The following NRG3 variants were observed in gnomAD, a reference collection of about 807,000 sequenced individuals.
NRG3 encodes pro-neuregulin-3, membrane-bound isoform.
In NRG3, 31 loss-of-function variants were observed where a neutral mutation model predicts 66.9. That is an observed-to-expected ratio of 0.46 (90% CI 0.35 to 0.63). NRG3 has a LOEUF of 0.63. NRG3 is among the 20% of genes least tolerant of loss of function. The pLI is 0.00. For synonymous variants in NRG3, 393 were observed against 359.4 expected (o/e 1.09, Z -1.06); for missense variants, 910 against 878.9 (o/e 1.04, Z -0.45).
At chr10:82,981,916 C>T (rs1852947476) in intron 8 of NRG3, among the ~76,000 whole-genome samples, 1 of 152,160 alleles carries the variant, frequency 6.6e-6, no homozygotes, top group Admixed American at 6.5e-5. Context: ...CCTACCACAC[C>T]TAGCTAGCAA....
intron 2 of NRG3, among the ~76,000 whole-genome samples, chr10:82,631,663 C>T (rs1166854994): frequency 1.1e-4 from 16 of 147,542 alleles, no homozygotes; most frequent in African/African-American, 4.0e-4. Flanking sequence ...CTTTTTTGAT[C>T]TCATGTTCTC....
chr10:82,684,931 AG>A (rs2054395725), intron 2 of NRG3, among the ~76,000 whole-genome samples: 2 of 152,218 alleles, frequency 1.3e-5, no homozygotes, highest in Admixed American at 1.3e-4. Flanking sequence ...TGCCTTGATA[AG>A]GAATTAGACT....
intron 1 of NRG3, among the ~76,000 whole-genome samples, chr10:82,065,819 C>A (rs1180964337): frequency 2.0e-5 from 3 of 152,110 alleles, no homozygotes; most frequent in Non-Finnish European, 2.9e-5. Flanking sequence ...ATCCTCCCAC[C>A]AATCCAAAGT....
chr10:82,906,561 A>C (rs1844752839), intron 4 of NRG3, among the ~76,000 whole-genome samples: 2 of 152,190 alleles, frequency 1.3e-5, no homozygotes, highest in South Asian at 2.1e-4. Context: ...ATAAGTTATA[A>C]ATTTTGCCTA....
chr10:82,840,094 A>G (rs2062982824), intron 3 of NRG3, among the ~76,000 whole-genome samples: 1 of 152,180 alleles, frequency 6.6e-6, no homozygotes, highest in African/African-American at 2.4e-5. Context: ...CTATATCTGT[A>G]TAAAAAACAA....
At chr10:82,609,596 A>C (rs1372339698) in intron 2 of NRG3, among the ~76,000 whole-genome samples, 2 of 152,066 alleles carry the variant, frequency 1.3e-5, no homozygotes, top group African/African-American at 4.8e-5. Flanking sequence ...TTCCAAAAAA[A>C]AAAAAGAGAG....
At chr10:82,657,816 A>G (rs186786367) in intron 2 of NRG3, among the ~76,000 whole-genome samples, 1 of 152,022 alleles carries the variant, frequency 6.6e-6, no homozygotes, top group African/African-American at 2.4e-5. Context: ...AAACTACTAG[A>G]GTTCGTTCAT....
intron 3 of NRG3, among the ~76,000 whole-genome samples, chr10:82,830,360 CA>C (rs1488253392): frequency 2.6e-5 from 4 of 152,136 alleles, no homozygotes; most frequent in Non-Finnish European, 5.9e-5. Context: ...AAATTGTTAA[CA>C]AAATATCTTT....
At chr10:82,302,496 A>G (rs2080461036) in intron 1 of NRG3, among the ~76,000 whole-genome samples, 1 of 152,132 alleles carries the variant, frequency 6.6e-6, no homozygotes, top group Non-Finnish European at 1.5e-5. Context: ...TTTGTATACT[A>G]TAATGCATAC....
At chr10:82,427,548 G>A (rs2089526835) in intron 2 of NRG3, among the ~76,000 whole-genome samples, 2 of 151,992 alleles carry the variant, frequency 1.3e-5, no homozygotes, top group African/African-American at 4.8e-5. Context: ...TGTTTATGTT[G>A]TACAATCCTA....
At chr10:82,929,897 A>G (rs1296809737) in intron 4 of NRG3, among the ~76,000 whole-genome samples, 1 of 151,926 alleles carries the variant, frequency 6.6e-6, no homozygotes, top group South Asian at 2.1e-4. Context: ...AAAAGGAAAA[A>G]GAAAAAAAAT....
intron 2 of NRG3, among the ~76,000 whole-genome samples, chr10:82,661,678 G>A (rs183129695): frequency 1.3e-5 from 2 of 152,296 alleles, no homozygotes; most frequent in East Asian, 3.9e-4. Context: ...TGATAAGTCT[G>A]TAGCCAGAGC....
At chr10:82,624,228 A>G (rs1394684771) in intron 2 of NRG3, among the ~76,000 whole-genome samples, 2 of 152,198 alleles carry the variant, frequency 1.3e-5, no homozygotes, top group African/African-American at 4.8e-5. Context: ...TGACTTGAAA[A>G]TAGTGAAATC....
At chr10:82,290,932 C>T (rs373492439) in intron 1 of NRG3, among the ~76,000 whole-genome samples, 1 of 151,918 alleles carries the variant, frequency 6.6e-6, no homozygotes, top group African/African-American at 2.4e-5. Context: ...CGTGAGCCAC[C>T]GCACCCAGCT....
chr10:82,252,416 A>G (rs1289624880), intron 1 of NRG3, among the ~76,000 whole-genome samples: 4 of 152,150 alleles, frequency 2.6e-5, no homozygotes, highest in Admixed American at 6.5e-5. Context: ...CCATTTATAC[A>G]TGGGAAAACA....
At chr10:82,246,462 G>A (rs1485308664) in intron 1 of NRG3, among the ~76,000 whole-genome samples, 2 of 152,120 alleles carry the variant, frequency 1.3e-5, no homozygotes, top group African/African-American at 2.4e-5. Flanking sequence ...GAGAAAACAC[G>A]AAGGATGAAA....
intron 1 of NRG3, among the ~76,000 whole-genome samples, chr10:81,911,413 C>T (rs1454358761): frequency 6.6e-6 from 1 of 151,960 alleles, no homozygotes; most frequent in East Asian, 1.9e-4. Flanking sequence ...ATCACAGTGT[C>T]CCAGGAAGCT....
intron 2 of NRG3, among the ~76,000 whole-genome samples, chr10:82,542,310 G>A (rs1036291528): frequency 2.0e-5 from 3 of 152,080 alleles, no homozygotes; most frequent in African/African-American, 7.2e-5. Flanking sequence ...GATGTAGTTG[G>A]AACATTTTAT....
chr10:82,308,488 C>A (rs946024463), intron 1 of NRG3, among the ~76,000 whole-genome samples: 4 of 151,988 alleles, frequency 2.6e-5, no homozygotes, highest in Non-Finnish European at 5.9e-5. Flanking sequence ...TTTTTGGAAG[C>A]CCTTACTGAT....
Sources: allele counts gnomAD v4.1 joint callset (sites outside exome capture counted in the v4.1 genomes callset), GRCh38; gene constraint gnomAD v4.1.1; transcripts MANE v1.5; gene names NCBI Gene and HGNC (gene_info 2026-07-23, HGNC 2026-07-21).